Variants in RPH3AL observed in about 807,000 individuals in gnomAD.
The protein encoded by RPH3AL is rabphilin 3A like (without C2 domains), also known as rab effector Noc2.
RPH3AL carries 38 observed loss-of-function variants against 43.1 expected under a neutral mutation model. The observed-to-expected ratio is 0.88, with a 90% CI of 0.68 to 1.15. The LOEUF (loss-of-function observed/expected upper bound fraction) is 1.15. RPH3AL is among the 50% of genes most tolerant of loss of function. The pLI, the probability that RPH3AL is intolerant of heterozygous loss-of-function variation, is 0.00. For synonymous variants in RPH3AL, 189 were observed against 176.3 expected (o/e 1.07, Z -0.57); for missense variants, 462 against 423.2 (o/e 1.09, Z -0.81).
At chr17:286,631 G>A (rs999155750) in intron 5 of RPH3AL, among the ~76,000 whole-genome samples, 3 of 152,154 alleles carry the variant, frequency 2.0e-5, no homozygotes, top group South Asian at 2.1e-4. Context: ...AAACCCATGC[G>A]ACAGCGAGCA....
At chr17:306,089 G>C (rs2043480488) in intron 5 of RPH3AL, among the ~76,000 whole-genome samples, 2 of 148,678 alleles carry the variant, frequency 1.3e-5, no homozygotes, top group Non-Finnish European at 3.0e-5. Context: ...TCAGACTCCT[G>C]GTCTCAAGCA....
At chr17:271,585 A>G (rs1190775973) in intron 6 of RPH3AL, among the ~76,000 whole-genome samples, 3 of 152,198 alleles carry the variant, frequency 2.0e-5, no homozygotes, top group Non-Finnish European at 4.4e-5. Context: ...TTATTGATGT[A>G]TAGGAATGCT....
intron 5 of RPH3AL, among the ~76,000 whole-genome samples, chr17:305,202 A>G (rs958601045): frequency 3.3e-5 from 5 of 151,506 alleles, no homozygotes; most frequent in Non-Finnish European, 7.4e-5. Flanking sequence ...AGGAGGTGGC[A>G]GGAGTCATCC....
At chr17:244,891 G>A (rs529024398) in intron 7 of RPH3AL, among the ~76,000 whole-genome samples, 6 of 152,248 alleles carry the variant, frequency 3.9e-5, no homozygotes, top group East Asian at 1.9e-4. Flanking sequence ...GTGTGTGTGC[G>A]TGTGAATCAG....
At chr17:262,241 T>C (rs1305215265) in intron 6 of RPH3AL, among the ~76,000 whole-genome samples, 1 of 152,124 alleles carries the variant, frequency 6.6e-6, no homozygotes, top group African/African-American at 2.4e-5. Context: ...TTTTTTTAGA[T>C]GGTGTCTCGC....
Position 213,612 on chromosome 17 carries a change from A to C in RPH3AL, c.*240T>G, listed in dbSNP as rs2040721973. 2 of 579,036 alleles carry C rather than the reference A, an allele frequency of 3.5e-6. No homozygotes were observed. The highest frequency in any genetic ancestry group is 1.9e-5 in the African/African-American group (1 of 53,154). 35.9% of individuals were successfully genotyped at this position (579,036 alleles called of 1,614,324 possible). On this transcript the variant is annotated 3_prime_UTR_variant, in exon 10 of 10. Coordinates refer to ENST00000331302, the MANE Select transcript of RPH3AL (RefSeq NM_006987.4). ...GATTGGGGGTGTGGGAGGGGAGGGT[A>C]ATAAATAAGGTCGGGGGCTGAGGGC...
chr17:308,078 G>GA (rs1431561394), intron 5 of RPH3AL, among the ~76,000 whole-genome samples: 2 of 152,196 alleles, frequency 1.3e-5, no homozygotes, highest in Admixed American at 6.5e-5. Context: ...GTCGCTGAAT[G>GA]AAAAAATCCA....
At chr17:335,200 G>T (rs1027936607) in intron 1 of RPH3AL, among the ~76,000 whole-genome samples, 7 of 152,192 alleles carry the variant, frequency 4.6e-5, no homozygotes, top group Non-Finnish European at 1.0e-4. Context: ...AAGGGGGCCC[G>T]GGTATGAGGG....
intron 7 of RPH3AL, among the ~76,000 whole-genome samples, chr17:235,609 A>G (rs1467505542): frequency 7.1e-6 from 1 of 141,264 alleles, no homozygotes; most frequent in African/African-American, 2.6e-5. Flanking sequence ...CCCGGGTTCA[A>G]AGCTGGGGTC....
chr17:347,874 G>A (rs547712348), intron 1 of RPH3AL, among the ~76,000 whole-genome samples: 1 of 151,888 alleles, frequency 6.6e-6, no homozygotes, highest in South Asian at 2.1e-4. Flanking sequence ...TAAAAAAAAT[G>A]AGCTAGTAAG....
At chr17:267,762 T>G (rs2042357658) in intron 6 of RPH3AL, among the ~76,000 whole-genome samples, 1 of 152,232 alleles carries the variant, frequency 6.6e-6, no homozygotes, top group Non-Finnish European at 1.5e-5. Flanking sequence ...CGTTTAGCTC[T>G]TTGGTTTTTC....
chr17:263,923 G>C (rs999731065), intron 6 of RPH3AL, among the ~76,000 whole-genome samples: 1 of 152,146 alleles, frequency 6.6e-6, no homozygotes, highest in East Asian at 1.9e-4. Flanking sequence ...GTTTTCAAGG[G>C]GGAACCAAAG....
chr17:258,286 C>T (rs1005922502), intron 6 of RPH3AL, among the ~76,000 whole-genome samples: 1 of 152,208 alleles, frequency 6.6e-6, no homozygotes, highest in South Asian at 2.1e-4. Context: ...GCACACGCCT[C>T]ACACATCGTA....
Position 215,626 on chromosome 17 carries a change from G to T in RPH3AL, c.876+28C>A. 7.9e-7 allele frequency: 1 copy of T among 1,262,646 alleles called. No homozygotes were observed. The highest frequency in any genetic ancestry group is 1.0e-6 in the Non-Finnish European group (1 of 998,894). The allele number at this position is 1,262,646 out of a possible 1,614,324, so 78.2% of individuals were successfully genotyped here. ...AGGACACGGCCGCGGGGGCAGGAGA[G>T]GGGAGAAGGCAGCAGTTGGGTACTC... On this transcript the variant is annotated intron_variant, in intron 9 of 9. Transcript: ENST00000331302. This position sits in a 1 kb window ranked among gnomAD's most constrained non-coding sequence, Gnocchi z 4.1.
chr17:313,411 C>T (rs992070035), intron 5 of RPH3AL, among the ~76,000 whole-genome samples: 1 of 152,226 alleles, frequency 6.6e-6, no homozygotes, highest in Non-Finnish European at 1.5e-5. Flanking sequence ...ACTCTCTGCC[C>T]CAGATGCCAC....
At chr17:311,919 T>C (rs1316921641) in intron 5 of RPH3AL, among the ~76,000 whole-genome samples, 3 of 152,130 alleles carry the variant, frequency 2.0e-5, no homozygotes, top group Non-Finnish European at 4.4e-5. Flanking sequence ...CCAGAGTGAC[T>C]GTATTTGGAG....
At chr17:248,819 A>G (rs2041824154) in intron 6 of RPH3AL, among the ~76,000 whole-genome samples, 1 of 152,232 alleles carries the variant, frequency 6.6e-6, no homozygotes, top group Admixed American at 6.5e-5. Flanking sequence ...GAAACATGAT[A>G]GCTGCTGAGA....
chr17:252,900 T>C (rs1555543101), intron 6 of RPH3AL, among the ~76,000 whole-genome samples: 2 of 152,236 alleles, frequency 1.3e-5, no homozygotes, highest in African/African-American at 4.8e-5. Flanking sequence ...GGTTTTCTGA[T>C]GAATGATACT....
At chr17:251,820 T>C (rs1212967629) in intron 6 of RPH3AL, among the ~76,000 whole-genome samples, 5 of 152,226 alleles carry the variant, frequency 3.3e-5, no homozygotes, top group Non-Finnish European at 5.9e-5. Flanking sequence ...CCTGAGCACG[T>C]CACCTCCCTG....
Sources: allele counts gnomAD v4.1 joint callset (sites outside exome capture counted in the v4.1 genomes callset), GRCh38; gene constraint gnomAD v4.1.1; non-coding constraint Gnocchi (gnomAD v3.1); transcripts MANE v1.5; gene names NCBI Gene and HGNC (gene_info 2026-07-23, HGNC 2026-07-21).